Variants in EYS observed in about 807,000 individuals in gnomAD.
The protein encoded by EYS is protein eyes shut homolog.
In EYS, 250 loss-of-function variants were observed where a neutral mutation model predicts 282.1. The observed-to-expected ratio is 0.89, with a 90% CI of 0.80 to 0.98. The LOEUF is 0.98. EYS is among the 50% of genes least tolerant of loss of function. The probability of loss-of-function intolerance (pLI) is 0.00; values close to 1 mark genes in which losing one functional copy is unlikely to be tolerated. For synonymous variants in EYS, 1,355 were observed against 1,282.9 expected, an observed-to-expected ratio of 1.06 and a Z score of -1.20; for missense variants, 4,016 against 3,709.0, an observed-to-expected ratio of 1.08 and a Z score of -2.15.
Position 64,822,818 on chromosome 6 carries a change from G to A in EYS, c.2997C>T (p.Ile999=). The stretch of plus-strand genomic sequence containing the variant: ...ATTCATCTAGATTTATTTCACAGTT[G>A]ATGCCTGTGTTGGAACAGACAAGGC... ...NCLCAPGYTG[I]NCEINLDECL... Residue 999 remains isoleucine (I), a synonymous_variant, in exon 20 of 43, where the codon ATC becomes ATT. Transcript: ENST00000503581. 2 of 1,548,018 alleles carry A rather than the reference G, an allele frequency of 1.3e-6. No individual in the cohort carries two copies. Among genetic ancestry groups the A allele is most frequent in the Non-Finnish European group, 1.7e-6 (2 of 1,145,046 alleles).
intron 31 of EYS, among the ~76,000 whole-genome samples, chr6:64,113,139 G>C (rs539206761): frequency 1.2e-4 from 18 of 152,170 alleles, no homozygotes; most frequent in African/African-American, 4.3e-4. Context: ...AAGTCCATTT[G>C]AAACTATTTT....
chr6:65,070,974 T>A (rs1773886684), intron 12 of EYS, among the ~76,000 whole-genome samples: 1 of 151,920 alleles, frequency 6.6e-6, no homozygotes, highest in Non-Finnish European at 1.5e-5. Flanking sequence ...CACCTATACA[T>A]ACATTTGTCA....
chr6:65,030,993 G>T (rs1426139678), intron 13 of EYS, among the ~76,000 whole-genome samples: 1 of 151,794 alleles, frequency 6.6e-6, no homozygotes, highest in Non-Finnish European at 1.5e-5. Flanking sequence ...AAGAGCAGAG[G>T]TTGCTATTCT....
intron 2 of EYS, among the ~76,000 whole-genome samples, chr6:65,512,003 A>AAAAAG (rs1766891440): frequency 6.6e-6 from 1 of 150,858 alleles, no homozygotes; most frequent in African/African-American, 2.4e-5. Flanking sequence ...AAAAAAAAAA[A>AAAAAG]AAAAAGAAAT....
chr6:65,196,094 G>T (rs775283843), intron 12 of EYS, among the ~76,000 whole-genome samples: 5 of 151,946 alleles, frequency 3.3e-5, no homozygotes, highest in African/African-American at 4.8e-5. Context: ...AATAAAACAA[G>T]TTATCCCATT....
At chr6:65,056,711 A>G (rs1773427476) in intron 13 of EYS, among the ~76,000 whole-genome samples, 1 of 152,150 alleles carries the variant, frequency 6.6e-6, no homozygotes, top group Non-Finnish European at 1.5e-5. Flanking sequence ...AGCATGATAA[A>G]ATAGTGTCTA....
At chr6:64,066,570 G>T in intron 32 of EYS, 79 bp from the exon 33 acceptor site, 2 of 1,023,012 alleles carry the variant, frequency 2.0e-6, no homozygotes, top group Non-Finnish European at 1.4e-6. Flanking sequence ...CACAATCTTT[G>T]CCATCAAAGA....
intron 5 of EYS, among the ~76,000 whole-genome samples, chr6:65,420,978 T>C (rs1767435111): frequency 6.6e-6 from 1 of 151,824 alleles, no homozygotes; most frequent in Admixed American, 6.6e-5. Context: ...CATCCATTTC[T>C]AGAGGGCAGG....
At chr6:64,939,711 G>A (rs1769024921) in intron 15 of EYS, among the ~76,000 whole-genome samples, 1 of 151,658 alleles carries the variant, frequency 6.6e-6, no homozygotes, top group African/African-American at 2.4e-5. Context: ...TAACTCATAT[G>A]TATAAGACAT....
At chr6:64,759,001 T>C (rs1773071289) in intron 22 of EYS, among the ~76,000 whole-genome samples, 1 of 151,908 alleles carries the variant, frequency 6.6e-6, no homozygotes, top group African/African-American at 2.4e-5. Flanking sequence ...TAACCAGACG[T>C]GATGGCGGGC....
intron 21 of EYS, among the ~76,000 whole-genome samples, chr6:64,817,402 G>T (rs1764768718): frequency 6.6e-6 from 1 of 152,012 alleles, no homozygotes. Flanking sequence ...TGATATACAT[G>T]GCAGACAAAA....
intron 29 of EYS, among the ~76,000 whole-genome samples, chr6:64,375,268 C>T (rs1772526007): frequency 6.6e-6 from 1 of 152,170 alleles, no homozygotes; most frequent in Non-Finnish European, 1.5e-5. Context: ...TTTTGGTATG[C>T]AGCCTCATTT....
intron 12 of EYS, among the ~76,000 whole-genome samples, chr6:65,277,389 T>C (rs1768076695): frequency 6.7e-6 from 1 of 149,556 alleles, no homozygotes; most frequent in East Asian, 2.0e-4. Flanking sequence ...GCTGAGATCA[T>C]GCCACTGCAC....
intron 31 of EYS, among the ~76,000 whole-genome samples, chr6:64,103,192 A>T (rs1772892637): frequency 1.3e-5 from 2 of 152,180 alleles, no homozygotes; most frequent in Admixed American, 1.3e-4. Flanking sequence ...AATCTTTCCT[A>T]CCCACTCTAT....
chr6:64,732,577 C>T (rs1357467747), intron 22 of EYS, among the ~76,000 whole-genome samples: 3 of 151,970 alleles, frequency 2.0e-5, no homozygotes, highest in Non-Finnish European at 2.9e-5. Flanking sequence ...TTGAGGGAAT[C>T]GTAAGTATAA....
chr6:65,512,022 A>T (rs930950769), intron 2 of EYS, among the ~76,000 whole-genome samples: 3 of 150,900 alleles, frequency 2.0e-5, no homozygotes, highest in Non-Finnish European at 4.4e-5. Flanking sequence ...ATCACCTAAA[A>T]TCATATAACT....
chr6:64,398,493 A>C (rs965449511), intron 28 of EYS, among the ~76,000 whole-genome samples: 1 of 148,090 alleles, frequency 6.8e-6, no homozygotes, highest in Non-Finnish European at 1.5e-5. Flanking sequence ...ATATGTGAAT[A>C]TTGTCAGGTT....
chr6:65,208,368 A>G (rs1260543415), intron 12 of EYS, among the ~76,000 whole-genome samples: 2 of 151,832 alleles, frequency 1.3e-5, no homozygotes, highest in African/African-American at 4.8e-5. Context: ...GTAAATTAAT[A>G]TAACTTCTAT....
At chr6:64,118,867 A>C (rs917632087) in intron 31 of EYS, among the ~76,000 whole-genome samples, 1 of 152,118 alleles carries the variant, frequency 6.6e-6, no homozygotes, top group Non-Finnish European at 1.5e-5. Context: ...GATAATAATA[A>C]TCTAATTTTA....
Sources: allele counts gnomAD v4.1 joint callset (sites outside exome capture counted in the v4.1 genomes callset), GRCh38; gene constraint gnomAD v4.1.1; transcripts MANE v1.5; gene names NCBI Gene and HGNC (gene_info 2026-07-23, HGNC 2026-07-21).